The following NVL variants were observed in gnomAD, a reference collection of about 807,000 sequenced individuals.
NVL encodes the protein nuclear valosin-containing protein-like.
NVL carries 84 observed loss-of-function variants against 110.2 expected under a neutral mutation model. The observed-to-expected ratio is 0.76, with a 90% CI of 0.64 to 0.91. NVL has a LOEUF of 0.91. NVL is among the 40% of genes least tolerant of loss of function. NVL has a pLI of 0.00. For synonymous variants in NVL, 354 were observed against 361.1 expected (o/e 0.98, Z 0.22); for missense variants, 882 against 1,035.9 (o/e 0.85, Z 2.04).
In NVL at chr1:224,305,122, T is replaced by C. The variant is rs756379716; in HGVS notation, c.660A>G (p.Lys220=). Residue 220 remains lysine, a synonymous_variant, in exon 7 of 23, where the codon AAA becomes AAG. Coordinates refer to ENST00000281701, the MANE Select transcript of NVL (RefSeq NM_002533.4). The stretch of plus-strand genomic sequence containing the variant: ...TGCTTCCTTTATTCTTTAGCTTGCC[T>C]TTCCGTTTCATATCACTCTCCAAAA... The part of the protein sequence containing the change: ...SSLLESDMKR[K]GKLKNKGSKR... The C allele has an allele frequency of 1.9e-6, 3 of 1,613,654 alleles. No individual in the cohort carries two copies. In the Admixed American group the frequency reaches 5.0e-5, roughly 27 times the overall value.
chr1:224,297,973 G>A (rs1030471304), intron 10 of NVL, among the ~76,000 whole-genome samples: 13 of 151,576 alleles, frequency 8.6e-5, no homozygotes, highest in African/African-American at 2.4e-4. Flanking sequence ...ATTTGAGCCT[G>A]GAAGGCAGAG....
intron 12 of NVL, 115 bp downstream of exon 12, chr1:224,294,152 T>TCCAAA: frequency 8.8e-7 from 1 of 1,139,356 alleles, no homozygotes; most frequent in Non-Finnish European, 1.3e-6. Context: ...ATTTAATTGG[T>TCCAAA]ACAAAAAGAA....
At chr1:224,250,399 C>G in intron 18 of NVL, 81 bp from the exon 19 acceptor site, 1 of 1,294,970 alleles carries the variant, frequency 7.7e-7, no homozygotes, top group Non-Finnish European at 1.0e-6. Context: ...GGGTCTTGTT[C>G]CATCTCCCAG....
chr1:224,240,130 C>T (rs1023226313), intron 19 of NVL, among the ~76,000 whole-genome samples: 2 of 135,564 alleles, frequency 1.5e-5, no homozygotes, highest in African/African-American at 2.8e-5. Flanking sequence ...TGCAGTGGTG[C>T]GATCTCAGCT....
At position 224,326,444 on chromosome 1, in the gene NVL, A is replaced by G; in HGVS notation, c.78T>C (p.Cys26=). The change falls in exon 2 of 23, where the codon TGT becomes TGC. Residue 26 remains cysteine (C), a synonymous_variant. Coordinates refer to ENST00000281701, the MANE Select transcript of NVL (RefSeq NM_002533.4). ...AGACTCCAATGTCCACATATTTGCC[A>G]CATTTGTTACTGGTAAGGTACTAAA... ...RVIQYLTSNK[C]GKYVDIGVLA... 1.2e-6 allele frequency: 2 copies of G among 1,611,984 alleles called. No homozygotes were observed. Among genetic ancestry groups the G allele is most frequent in the African/African-American group, 1.3e-5 (1 of 75,018 alleles).
intron 5 of NVL, among the ~76,000 whole-genome samples, chr1:224,310,305 C>A (rs1669387419): frequency 1.3e-5 from 2 of 151,248 alleles, no homozygotes; most frequent in Admixed American, 1.3e-4. Context: ...ACGTTATATG[C>A]AAACATGATG....
At chr1:224,241,301 A>G (rs1390056464) in intron 19 of NVL, among the ~76,000 whole-genome samples, 1 of 152,232 alleles carries the variant, frequency 6.6e-6, no homozygotes, top group African/African-American at 2.4e-5. Context: ...GAGAGCAAAG[A>G]GAAAAATTTT....
intron 6 of NVL, among the ~76,000 whole-genome samples, chr1:224,307,529 C>T (rs970503527): frequency 1.3e-5 from 2 of 152,032 alleles, no homozygotes; most frequent in African/African-American, 2.4e-5. Context: ...CTGCAAAACA[C>T]CATCTCTAGA....
chr1:224,300,416 C>A, intron 10 of NVL, 146 bp downstream of exon 10: 1 of 516,342 alleles, frequency 1.9e-6, no homozygotes, highest in African/African-American at 1.9e-5. Flanking sequence ...AAATATTTAG[C>A]CATCATGCAT....
chr1:224,273,685 G>A (rs1665432985), intron 17 of NVL, among the ~76,000 whole-genome samples: 1 of 152,088 alleles, frequency 6.6e-6, no homozygotes, highest in Non-Finnish European at 1.5e-5. Flanking sequence ...GCAAAAGAGA[G>A]AGAATAAAAA....
At chr1:224,242,502 T>TC (rs1661310350) in intron 19 of NVL, among the ~76,000 whole-genome samples, 1 of 150,834 alleles carries the variant, frequency 6.6e-6, no homozygotes, top group Non-Finnish European at 1.5e-5. Context: ...TTTTTTTTTT[T>TC]TTTGAGACGG....
chr1:224,261,605 G>A (rs2073896175), intron 18 of NVL, among the ~76,000 whole-genome samples: 1 of 152,114 alleles, frequency 6.6e-6, no homozygotes, highest in Non-Finnish European at 1.5e-5. Context: ...TTAAGCAAAA[G>A]GAAGTTCGCT....
At chr1:224,234,344 T>C (rs1163189108) in intron 20 of NVL, among the ~76,000 whole-genome samples, 7 of 152,152 alleles carry the variant, frequency 4.6e-5, no homozygotes, top group Admixed American at 4.6e-4. Context: ...ATCACTTCTA[T>C]GATTCACAAG....
At chr1:224,277,012 T>C (rs1665840758) in intron 16 of NVL, among the ~76,000 whole-genome samples, 1 of 148,888 alleles carries the variant, frequency 6.7e-6, no homozygotes, top group African/African-American at 2.5e-5. Context: ...ATAAAACTGT[T>C]TTACTATCAT....
chr1:224,243,882 G>T lies in NVL; in HGVS notation c.2289+6330C>A, dbSNP rs190271908. ...TTGCCATTTTGGCCAAGTAGGTCTCGAACTCCTGACCTTGTGATTCGCCTG... is the reference window on the plus strand; with the variant it reads ...TTGCCATTTTGGCCAAGTAGGTCTCTAACTCCTGACCTTGTGATTCGCCTG... On this transcript the variant is annotated intron_variant, in intron 19 of 22. Coordinates refer to ENST00000281701, the MANE Select transcript of NVL (RefSeq NM_002533.4). Among the ~76,000 whole-genome samples, 3 of 151,496 alleles carry T rather than the reference G, an allele frequency of 2.0e-5. No homozygotes were observed. The East Asian group carries it at 5.9e-4, about 30-fold the overall frequency.
intron 20 of NVL, 141 bp from the exon 21 acceptor site, chr1:224,233,430 T>G: frequency 1.8e-6 from 1 of 570,506 alleles, no homozygotes. Flanking sequence ...ATAAATTGAT[T>G]ATCAATCAAT....
chr1:224,266,038 A>C (rs1188769187), intron 18 of NVL, among the ~76,000 whole-genome samples: 1 of 152,230 alleles, frequency 6.6e-6, no homozygotes, highest in Non-Finnish European at 1.5e-5. Flanking sequence ...AAAACCAGAT[A>C]GTACAAACAA....
intron 12 of NVL, among the ~76,000 whole-genome samples, chr1:224,291,652 C>T (rs1161139572): frequency 6.6e-6 from 1 of 152,112 alleles, no homozygotes; most frequent in Admixed American, 6.5e-5. Flanking sequence ...TGCTACTATG[C>T]ACAAGAATAC....
chr1:224,307,118 A>G (rs1669000841), intron 6 of NVL, among the ~76,000 whole-genome samples: 1 of 152,160 alleles, frequency 6.6e-6, no homozygotes, highest in Non-Finnish European at 1.5e-5. Flanking sequence ...AGTCAATATA[A>G]AATATTATTA....
Sources: allele counts gnomAD v4.1 joint callset (sites outside exome capture counted in the v4.1 genomes callset), GRCh38; gene constraint gnomAD v4.1.1; transcripts MANE v1.5; gene names NCBI Gene and HGNC (gene_info 2026-07-23, HGNC 2026-07-21).